Variants in ITGA11 observed in about 807,000 individuals in gnomAD.
ITGA11 encodes the protein integrin subunit alpha 11, also known as integrin alpha-11.
A neutral mutation model predicts 141.9 loss-of-function variants in ITGA11; 97 were observed. The ratio of observed to expected loss-of-function variants is 0.68; its 90% CI spans 0.58 to 0.81. The LOEUF (loss-of-function observed/expected upper bound fraction) is 0.81, where lower values mean the gene tolerates loss of function less well. Among genes scored for constraint, ITGA11 ranks in the 30% least tolerant of loss-of-function variants. The pLI is 0.00. For synonymous variants in ITGA11, 658 were observed against 624.6 expected, an observed-to-expected ratio of 1.05 and a Z score of -0.80; for missense variants, 1,387 against 1,559.2, an observed-to-expected ratio of 0.89 and a Z score of 1.86.
intron 20 of ITGA11, among the ~76,000 whole-genome samples, chr15:68,318,448 A>G (rs907670792): frequency 6.6e-6 from 1 of 152,134 alleles, no homozygotes; most frequent in African/African-American, 2.4e-5. Context: ...AAGTCCCTGG[A>G]CAGGAGGGGA....
In ITGA11 at chr15:68,326,687, C is replaced by T. The variant is rs766206790; in HGVS notation, c.2178G>A (p.Gln726=). The T allele has an allele frequency of 1.3e-6, 2 of 1,591,104 alleles. No homozygotes were observed. The highest frequency in any genetic ancestry group is 3.5e-5 in the Admixed American group (2 of 57,272). Residue 726 remains glutamine, a synonymous_variant, in exon 17 of 30, where the codon CAG becomes CAA. Transcript: ENST00000315757. The surrounding 1 kb of genome is among the most constrained non-coding windows in gnomAD (Gnocchi z 6.8). The stretch of plus-strand genomic sequence containing the variant: ...GGAAGTTGATCCGCTCACAGAGCTC[C>T]TGGCCGGAGGAGAGCAGTACGGCTC... ...TNRAVLLSSG[Q]ELCERINFHV...
At position 68,432,109 on chromosome 15, in the gene ITGA11, G is replaced by A. The variant is rs1055672683; in HGVS notation, c.-43C>T. On this transcript the variant is annotated 5_prime_UTR_variant, in exon 1 of 30. Transcript: ENST00000315757. ...CTGGGTCCGGTGTGCAGCGGCGGCG[G>A]GGGGCGGCAAGCCAGAGCGGCAGCC... The A allele has an allele frequency of 1.2e-5, 16 of 1,346,006 alleles. No homozygotes were observed. The highest frequency in any genetic ancestry group is 5.4e-4 in the Middle Eastern group (2 of 3,734). 83.4% of individuals were successfully genotyped at this position (1,346,006 alleles called of 1,614,324 possible). A position where few individuals can be genotyped will look rare whatever the true frequency, so the allele number is the denominator to read the frequency against.
chr15:68,329,818 G>T (rs1894097331), intron 15 of ITGA11, among the ~76,000 whole-genome samples: 1 of 152,168 alleles, frequency 6.6e-6, no homozygotes, highest in Non-Finnish European at 1.5e-5. Flanking sequence ...CGAAGAGACA[G>T]ACCCTGCTCC....
At chr15:68,408,938 A>G (rs1190878606) in intron 1 of ITGA11, among the ~76,000 whole-genome samples, 2 of 152,178 alleles carry the variant, frequency 1.3e-5, no homozygotes, top group Non-Finnish European at 2.9e-5. Flanking sequence ...TCTGGTTTTC[A>G]GTTTACTCAT....
In ITGA11 at chr15:68,328,604, G is replaced by T. The variant is rs560395835; in HGVS notation, c.1902-342C>A. Among the ~76,000 whole-genome samples the T allele has an allele frequency of 6.6e-6, 1 of 152,278 alleles. No homozygotes were observed. The highest frequency in any genetic ancestry group is 1.9e-4 in the East Asian group (1 of 5,192). On this transcript the variant is annotated intron_variant, in intron 15 of 29. Coordinates refer to ENST00000315757, the MANE Select transcript of ITGA11 (RefSeq NM_001004439.2). The surrounding 1 kb of genome is among the most constrained non-coding windows in gnomAD (Gnocchi z 4.8). ...GTGGTTCCCCACCCTGGATGCACAT[G>T]TGAGTCATCTGAAGAGCTTAAAAAA...
rs760535673 is a variant in ITGA11 at position 68,320,257 on chromosome 15, G to A, written c.2544C>T (p.Gly848=). Residue 848 remains glycine, a synonymous_variant, in exon 20 of 30, where the codon GGC becomes GGT. Transcript: ENST00000315757. The part of the protein sequence containing the change: ...VAVEATLENR[G]ENAYSTVLNI... ...TTAGGACCGTGCTGTAGGCGTTCTC[G>A]CCCCTGTTCTCCAGTGTGGCCTCCA... is the stretch of plus-strand genomic sequence containing the variant. 1.4e-5 allele frequency: 22 copies of A among 1,614,022 alleles called. No individual in the cohort carries two copies. Among genetic ancestry groups the A allele is most frequent in the South Asian group, 9.9e-5 (9 of 91,084 alleles).
Position 68,370,641 on chromosome 15 carries a change from C to T in ITGA11, c.165-1357G>A, listed in dbSNP as rs540765341. 2.0e-5 allele frequency among the ~76,000 whole-genome samples: 3 copies of T among 152,310 alleles called. No homozygotes were observed. In the East Asian group the frequency reaches 5.8e-4, roughly 29 times the overall value. ...GAACGGTAACCCTTCCCAGGGACAG[C>T]GGTACTGTGTGTGGGAGGGGACACC... On this transcript the variant is annotated intron_variant, in intron 2 of 29. Coordinates refer to ENST00000315757, the MANE Select transcript of ITGA11 (RefSeq NM_001004439.2).
chr15:68,357,332 T>C (rs201293648), intron 6 of ITGA11, 33 bp from the exon 7 acceptor site: 70 of 1,600,506 alleles, frequency 4.4e-5, no homozygotes, highest in Admixed American at 3.0e-4. Flanking sequence ...ACAGAACATT[T>C]TGACCCCATG....
intron 2 of ITGA11, among the ~76,000 whole-genome samples, chr15:68,378,771 A>G (rs1051446709): frequency 6.6e-5 from 10 of 152,360 alleles, no homozygotes; most frequent in African/African-American, 2.4e-4. Flanking sequence ...GGCTACCCTG[A>G]TGGCTGGACA....
At chr15:68,413,711 T>C (rs28713626) in intron 1 of ITGA11, among the ~76,000 whole-genome samples, 6,961 of 152,260 alleles carry the variant, frequency 0.046, 491 homozygotes, top group African/African-American at 0.15. Flanking sequence ...TGAGGTTCCC[T>C]TGGGCAGACG....
At chr15:68,413,833 C>T (rs1056754168) in intron 1 of ITGA11, among the ~76,000 whole-genome samples, 12 of 152,152 alleles carry the variant, frequency 7.9e-5, no homozygotes, top group Non-Finnish European at 1.8e-4. Flanking sequence ...TAATGTTGGC[C>T]GGAGCCATGC....
intron 15 of ITGA11, among the ~76,000 whole-genome samples, chr15:68,329,332 C>A (rs1894081663): frequency 6.6e-6 from 1 of 152,188 alleles, no homozygotes; most frequent in Non-Finnish European, 1.5e-5. Context: ...AAAAAAATTA[C>A]TGCTGCCCAG....
rs1276340421 is a variant in ITGA11, at chr15:68,333,862, G to A, written c.1426-1384C>T. Among the ~76,000 whole-genome samples, 1 of 152,196 alleles carries A rather than the reference G, an allele frequency of 6.6e-6. No homozygotes were observed. Among genetic ancestry groups the A allele is most frequent in the East Asian group, 1.9e-4 (1 of 5,196 alleles). On this transcript the variant is annotated intron_variant, in intron 12 of 29. Coordinates refer to ENST00000315757, the MANE Select transcript of ITGA11 (RefSeq NM_001004439.2). The surrounding 1 kb of genome is among the most constrained non-coding windows in gnomAD (Gnocchi z 4.2). The stretch of plus-strand genomic sequence containing the variant: ...TCCCACTGCAGTGCTCCCGGGTCCT[G>A]CCAAACTGAGTTATTTCTCTTCTCC...
intron 1 of ITGA11, among the ~76,000 whole-genome samples, chr15:68,403,786 CA>C (rs945886138): frequency 6.6e-6 from 1 of 152,050 alleles, no homozygotes; most frequent in Non-Finnish European, 1.5e-5. Flanking sequence ...AGGGACATAC[CA>C]CTGTGCCTGG....
At chr15:68,396,250 CCAATCAATCAATCAAT>C (rs34098259) in intron 2 of ITGA11, among the ~76,000 whole-genome samples, 1 of 150,348 alleles carries the variant, frequency 6.7e-6, no homozygotes, top group Non-Finnish European at 1.5e-5. Context: ...AAATATCAAT[CCAATCAATCAATCAAT>C]CAATCAATCA....
At chr15:68,361,931 T>C in intron 4 of ITGA11, 1 of 471,872 alleles carries the variant, frequency 2.1e-6, no homozygotes, top group South Asian at 2.4e-5. Context: ...TTGGAGTCTC[T>C]TTCATTGTTT....
chr15:68,393,001 T>A (rs2415000), intron 2 of ITGA11, among the ~76,000 whole-genome samples: 64,116 of 151,900 alleles, frequency 0.42, 14,665 homozygotes, highest in African/African-American at 0.61. Context: ...AGATGGACAA[T>A]TGGGATCAAG....
chr15:68,332,648 T>G (rs1894214660), intron 12 of ITGA11, among the ~76,000 whole-genome samples, 170 bp from the exon 13 acceptor site: 2 of 152,146 alleles, frequency 1.3e-5, no homozygotes, highest in South Asian at 4.1e-4. Flanking sequence ...TCCCTCAGAG[T>G]GGACTTGTCT....
chr15:68,309,192 C>A (rs1471599400), intron 26 of ITGA11, among the ~76,000 whole-genome samples: 1 of 152,230 alleles, frequency 6.6e-6, no homozygotes, highest in Non-Finnish European at 1.5e-5. Context: ...CCAGTCAAAG[C>A]AAACACAGAT....
Sources: gnomAD v4.1 joint callset for allele counts (sites outside exome capture counted in the v4.1 genomes callset) on GRCh38, gnomAD v4.1.1 for gene constraint, Gnocchi (gnomAD v3.1) non-coding constraint, MANE v1.5 for transcripts, NCBI Gene and HGNC (gene_info 2026-07-23, HGNC 2026-07-21) for gene names.